The following FBLN2 variants were observed in gnomAD, a reference collection of about 807,000 sequenced individuals.
FBLN2 encodes the protein fibulin-2.
In FBLN2, 81 loss-of-function variants were observed where a neutral mutation model predicts 123.7. That is an observed-to-expected ratio of 0.65 (90% CI 0.55 to 0.79). FBLN2 has a LOEUF of 0.79. Among genes scored for constraint, FBLN2 ranks in the 30% least tolerant of loss-of-function variants. FBLN2 has a pLI of 0.00. For missense variants in FBLN2, 1,603 were observed against 1,681.3 expected (o/e 0.95, Z 0.81); for synonymous variants, 699 against 701.4 (o/e 1.00, Z 0.05).
chr3:13,604,564 G>C (rs1262295325), intron 2 of FBLN2, among the ~76,000 whole-genome samples: 1 of 152,170 alleles, frequency 6.6e-6, no homozygotes, highest in African/African-American at 2.4e-5. Flanking sequence ...TATTATTTCT[G>C]AGCCGGCCTC....
intron 9 of FBLN2, among the ~76,000 whole-genome samples, chr3:13,623,168 A>G (rs1161088899): frequency 6.6e-6 from 1 of 151,956 alleles, no homozygotes; most frequent in African/African-American, 2.4e-5. Flanking sequence ...GCGCCTCCTG[A>G]CCCTGCTTGC....
At chr3:13,607,005 C>T (rs930757083) in intron 2 of FBLN2, among the ~76,000 whole-genome samples, 4 of 150,738 alleles carry the variant, frequency 2.7e-5, no homozygotes, top group East Asian at 2.0e-4. Flanking sequence ...GTTTTTTCCC[C>T]GGGACGGAGT....
At chr3:13,592,871 G>A (rs1008500642) in intron 2 of FBLN2, among the ~76,000 whole-genome samples, 6 of 152,174 alleles carry the variant, frequency 3.9e-5, no homozygotes, top group Non-Finnish European at 8.8e-5. Context: ...GCTGATGGGG[G>A]CCAGGTGTGG....
At chr3:13,593,885 C>A (rs190524854) in intron 2 of FBLN2, among the ~76,000 whole-genome samples, 2 of 152,136 alleles carry the variant, frequency 1.3e-5, no homozygotes, top group East Asian at 1.9e-4. Context: ...AGTATGAATT[C>A]TTCTTCTCTC....
Position 13,619,817 on chromosome 3 carries a change from G to T in FBLN2, c.2141G>T (p.Gly714Val). Residue 714 changes from glycine to valine, a missense_variant, in exon 8 of 18, where the codon GGC becomes GTC. Physicochemically the swap from Gly to Val is moderately radical, Grantham distance 109. Transcript: ENST00000404922. ...CFPGYAIMADGVSCEDQDECL... is the reference protein window; with the variant it reads ...CFPGYAIMADVVSCEDQDECL... Reference sequence around the variant, plus strand: ...CCCGGCTATGCCATCATGGCGGATGGCGTGTCCTGTGAAGGTGAGTGCCTT... The same window carrying T: ...CCCGGCTATGCCATCATGGCGGATGTCGTGTCCTGTGAAGGTGAGTGCCTT... The T allele has an allele frequency of 1.2e-6, 2 of 1,612,034 alleles. No individual in the cohort carries two copies. The highest frequency in any genetic ancestry group is 1.7e-6 in the Non-Finnish European group (2 of 1,179,010).
intron 17 of FBLN2, 75 bp from the exon 18 acceptor site, chr3:13,637,487 T>C: frequency 2.2e-6 from 3 of 1,350,330 alleles, no homozygotes; most frequent in Non-Finnish European, 3.0e-6. Flanking sequence ...GCCGCTGAGC[T>C]GTGCCATCTG....
chr3:13,632,673 C>T (rs1706296450), intron 16 of FBLN2, among the ~76,000 whole-genome samples: 1 of 152,118 alleles, frequency 6.6e-6, no homozygotes, highest in Non-Finnish European at 1.5e-5. Context: ...TGTACCTAGT[C>T]CCAATGCACA....
chr3:13,571,626 ACT>A lies in FBLN2; in HGVS notation c.1274_1275del (p.Ser425CysfsTer8), dbSNP rs776876926. The A allele has an allele frequency of 6.2e-7, 1 of 1,608,504 alleles. No homozygotes were observed. Among genetic ancestry groups the A allele is most frequent in the South Asian group, 1.1e-5 (1 of 89,964 alleles). On this transcript the variant is annotated frameshift_variant, in exon 2 of 18. Transcript: ENST00000404922. LOFTEE classifies it high-confidence loss of function. ...CACGTGGAGGAGGACACAGACCCCAACTCTGTCCATTCTATCCCCAGAAGTAG... is the reference window on the plus strand; with the variant it reads ...CACGTGGAGGAGGACACAGACCCCAACTGTCCATTCTATCCCCAGAAGTAG...
intron 2 of FBLN2, among the ~76,000 whole-genome samples, chr3:13,586,407 A>G (rs1336012100): frequency 1.3e-5 from 2 of 150,310 alleles, no homozygotes; most frequent in Admixed American, 6.6e-5. Context: ...CTGGTCGTGA[A>G]CTCCTGACCT....
At chr3:13,623,500 C>G (rs1705925609) in intron 9 of FBLN2, among the ~76,000 whole-genome samples, 1 of 152,228 alleles carries the variant, frequency 6.6e-6, no homozygotes, top group African/African-American at 2.4e-5. Context: ...TTCCATGCCC[C>G]TCGCACACGT....
chr3:13,627,572 G>T (rs1037006633), intron 10 of FBLN2, among the ~76,000 whole-genome samples: 3 of 152,196 alleles, frequency 2.0e-5, no homozygotes, highest in African/African-American at 7.2e-5. Flanking sequence ...TTACGGCTGT[G>T]TGGGGTTTAA....
intron 4 of FBLN2, among the ~76,000 whole-genome samples, chr3:13,612,021 G>A (rs941135998): frequency 1.3e-5 from 2 of 152,182 alleles, no homozygotes; most frequent in African/African-American, 2.4e-5. Flanking sequence ...ACTGAGGAGC[G>A]GGAGAGGGAA....
intron 8 of FBLN2, 35 bp downstream of exon 8, chr3:13,619,866 AC>A: frequency 6.4e-7 from 1 of 1,561,240 alleles, no homozygotes; most frequent in Admixed American, 1.9e-5. Flanking sequence ...ACCTGTGCAA[AC>A]CTGAGTTGGC....
At chr3:13,636,790 C>G (rs1024010252) in intron 17 of FBLN2, among the ~76,000 whole-genome samples, 14 of 152,234 alleles carry the variant, frequency 9.2e-5, no homozygotes, top group Non-Finnish European at 1.9e-4. Context: ...AACACCAGCC[C>G]TCTTCCTCAT....
chr3:13,631,315 C>A lies in FBLN2; in HGVS notation c.3086-14C>A. 6.3e-7 allele frequency: 1 copy of A among 1,599,146 alleles called. No individual in the cohort carries two copies. Among genetic ancestry groups the A allele is most frequent in the Non-Finnish European group, 8.5e-7 (1 of 1,173,604 alleles). On this transcript the variant is annotated splice_polypyrimidine_tract_variant and intron_variant, in intron 15 of 17. Transcript: ENST00000404922. ...TGGACGAGGTTCACCAGGGGCTGAA[C>A]CTCTCTCTGACAGACATCGACGAGT...
intron 1 of FBLN2, among the ~76,000 whole-genome samples, chr3:13,567,696 G>A (rs1387380696): frequency 4.6e-5 from 7 of 151,994 alleles, no homozygotes; most frequent in East Asian, 2.0e-4. Context: ...CAGCTGGCAC[G>A]GTGGCTCATG....
intron 2 of FBLN2, among the ~76,000 whole-genome samples, chr3:13,581,121 A>G (rs968391105): frequency 6.6e-6 from 1 of 151,534 alleles, no homozygotes; most frequent in Non-Finnish European, 1.5e-5. Context: ...TGATTAAGAT[A>G]GACTTGAGAT....
chr3:13,577,727 G>A (rs1411595191), intron 2 of FBLN2, among the ~76,000 whole-genome samples: 1 of 152,300 alleles, frequency 6.6e-6, no homozygotes, highest in East Asian at 1.9e-4. Flanking sequence ...GGCTGCCCCA[G>A]GTCCACAGAG....
At position 13,554,121 on chromosome 3, in the gene FBLN2, A is replaced by G. The variant is rs917816805; in HGVS notation, c.-42+4913A>G. ...AATGGGCCTGGTGGTAGGGGCCCCC[A>G]GTAGGGTTGGTGTGAAGGCTGAAGG... On this transcript the variant is annotated intron_variant, in intron 1 of 17. Coordinates refer to ENST00000404922, the MANE Select transcript of FBLN2 (RefSeq NM_001004019.2). 2.0e-5 allele frequency among the ~76,000 whole-genome samples: 3 copies of G among 152,330 alleles called. No homozygotes were observed. The South Asian group carries it at 6.2e-4, about 32-fold the overall frequency.
Sources: allele counts gnomAD v4.1 joint callset (sites outside exome capture counted in the v4.1 genomes callset), GRCh38; gene constraint gnomAD v4.1.1; transcripts MANE v1.5; gene names NCBI Gene and HGNC (gene_info 2026-07-23, HGNC 2026-07-21).